Variants in RPTOR observed in about 807,000 individuals in gnomAD.
RPTOR encodes regulatory-associated protein of mTOR.
A neutral mutation model predicts 169.9 loss-of-function variants in RPTOR; 21 were observed. The ratio of observed to expected loss-of-function variants is 0.12; its 90% CI spans 0.09 to 0.18. RPTOR has a LOEUF of 0.18. Among genes scored for constraint, RPTOR ranks in the 10% least tolerant of loss-of-function variants. The pLI is 1.00. For synonymous variants in RPTOR, 732 were observed against 753.2 expected, an observed-to-expected ratio of 0.97 and a Z score of 0.46; for missense variants, 1,133 against 1,855.9, an observed-to-expected ratio of 0.61 and a Z score of 7.16.
chr17:80,806,774 C>G (rs2067222506), intron 7 of RPTOR, among the ~76,000 whole-genome samples: 1 of 152,108 alleles, frequency 6.6e-6, no homozygotes, highest in Non-Finnish European at 1.5e-5. Flanking sequence ...AGGAATATTG[C>G]TTATACGTAT....
intron 3 of RPTOR, among the ~76,000 whole-genome samples, chr17:80,699,502 G>T (rs2066065296): frequency 7.1e-6 from 1 of 140,210 alleles, no homozygotes; most frequent in Non-Finnish European, 1.5e-5. Context: ...GAGGTGCTGT[G>T]CACGGTACCC....
intron 10 of RPTOR, among the ~76,000 whole-genome samples, chr17:80,839,820 A>AT (rs2067607480): frequency 6.6e-6 from 1 of 152,218 alleles, no homozygotes. Flanking sequence ...TTCTATTTGC[A>AT]TGTGTGCTCT....
At chr17:80,568,075 T>G (rs2064865147) in intron 1 of RPTOR, among the ~76,000 whole-genome samples, 1 of 151,510 alleles carries the variant, frequency 6.6e-6, no homozygotes, top group African/African-American at 2.4e-5. Context: ...CCCAGCTAAT[T>G]TTTTTGTGTT....
At chr17:80,835,498 G>T (rs1598340623) in intron 9 of RPTOR, among the ~76,000 whole-genome samples, 1 of 152,198 alleles carries the variant, frequency 6.6e-6, no homozygotes, top group African/African-American at 2.4e-5. Flanking sequence ...GGAGAGTAGG[G>T]CTGAAGGGAT....
intron 21 of RPTOR, 135 bp from the exon 22 acceptor site, chr17:80,922,589 T>G: frequency 1.4e-6 from 1 of 714,368 alleles, no homozygotes; most frequent in Non-Finnish European, 2.4e-6. Context: ...GGGCCTTCCA[T>G]TGGTGTTGGT....
chr17:80,863,984 A>AC (rs1373143083), intron 13 of RPTOR, among the ~76,000 whole-genome samples: 2 of 152,200 alleles, frequency 1.3e-5, no homozygotes, highest in Admixed American at 6.5e-5. Flanking sequence ...AAGAAAAAAA[A>AC]ATTTAATTAA....
chr17:80,841,747 C>G (rs548864278), intron 10 of RPTOR, among the ~76,000 whole-genome samples: 1 of 141,122 alleles, frequency 7.1e-6, no homozygotes, highest in African/African-American at 2.7e-5. Context: ...TCACTCTCCC[C>G]GCACGGCAGC....
At chr17:80,810,094 A>AATAG (rs1049119170) in intron 7 of RPTOR, among the ~76,000 whole-genome samples, 5 of 150,298 alleles carry the variant, frequency 3.3e-5, no homozygotes, top group Non-Finnish European at 5.9e-5. Context: ...TAAATAAATA[A>AATAG]AACAGTCTTT....
At chr17:80,624,096 A>G (rs1278468483) in intron 1 of RPTOR, among the ~76,000 whole-genome samples, 23 of 152,204 alleles carry the variant, frequency 1.5e-4, no homozygotes, top group African/African-American at 5.3e-4. Context: ...TGTACTCTCA[A>G]TTAAATTAAT....
At chr17:80,650,994 G>A (rs544953836) in intron 3 of RPTOR, among the ~76,000 whole-genome samples, 60 of 152,336 alleles carry the variant, frequency 3.9e-4, no homozygotes, top group African/African-American at 1.4e-3. Context: ...CCTTTAACAA[G>A]GGAGTTGTCT....
intron 1 of RPTOR, among the ~76,000 whole-genome samples, chr17:80,566,973 A>G (rs1328135964): frequency 6.6e-6 from 1 of 151,114 alleles, no homozygotes; most frequent in African/African-American, 2.4e-5. Flanking sequence ...TATTAGCTGT[A>G]CCTCTTTTTT....
chr17:80,662,688 C>A (rs770213443), intron 3 of RPTOR, among the ~76,000 whole-genome samples: 9 of 152,056 alleles, frequency 5.9e-5, no homozygotes, highest in Non-Finnish European at 1.2e-4. Context: ...GGCCACGACT[C>A]CCGAGCAGCA....
chr17:80,680,722 G>A (rs1415346561), intron 3 of RPTOR, among the ~76,000 whole-genome samples: 1 of 152,080 alleles, frequency 6.6e-6, no homozygotes, highest in African/African-American at 2.4e-5. Flanking sequence ...CAGCCAATGA[G>A]TGACATATTG....
chr17:80,895,349 C>T (rs1283740468), intron 20 of RPTOR, among the ~76,000 whole-genome samples: 1 of 152,226 alleles, frequency 6.6e-6, no homozygotes, highest in Non-Finnish European at 1.5e-5. Context: ...TCAGGCTTCC[C>T]CAGCTGCCCT....
At chr17:80,733,701 C>T (rs1598265029) in intron 5 of RPTOR, among the ~76,000 whole-genome samples, 2 of 152,326 alleles carry the variant, frequency 1.3e-5, no homozygotes, top group East Asian at 3.9e-4. Flanking sequence ...GTGTAGATTA[C>T]ATGCTGGTTT....
intron 5 of RPTOR, among the ~76,000 whole-genome samples, chr17:80,744,034 C>G (rs375779591): frequency 9.7e-6 from 1 of 103,294 alleles, no homozygotes; most frequent in Non-Finnish European, 2.2e-5. Flanking sequence ...GTTACTAGCA[C>G]AGCCCTGGTT....
chr17:80,628,311 T>TA (rs775919010), intron 2 of RPTOR, among the ~76,000 whole-genome samples: 7 of 152,368 alleles, frequency 4.6e-5, no homozygotes, highest in East Asian at 3.9e-4. Flanking sequence ...CTGAAGAACT[T>TA]ACTCTAACAT....
chr17:80,880,331 CTTATTCG>C (rs1427944909), intron 13 of RPTOR, 77 bp from the exon 14 acceptor site: 3 of 1,153,238 alleles, frequency 2.6e-6, no homozygotes, highest in Non-Finnish European at 3.9e-6. Flanking sequence ...AGTCCCTGCC[CTTATTCG>C]TTCACGCACC....
chr17:80,896,496 A>G (rs112661218), intron 20 of RPTOR, among the ~76,000 whole-genome samples: 1 of 90,798 alleles, frequency 1.1e-5, no homozygotes, highest in East Asian at 3.2e-4. Context: ...GCACCGACAC[A>G]CCCCACGGCC....
Sources: allele counts gnomAD v4.1 joint callset (sites outside exome capture counted in the v4.1 genomes callset), GRCh38; gene constraint gnomAD v4.1.1; transcripts MANE v1.5; gene names NCBI Gene and HGNC (gene_info 2026-07-23, HGNC 2026-07-21).